The following UBAP2L variants were observed in gnomAD, a reference collection of about 807,000 sequenced individuals.
UBAP2L encodes ubiquitin-associated protein 2-like.
UBAP2L carries 12 observed loss-of-function variants against 130.6 expected under a neutral mutation model. That is an observed-to-expected ratio of 0.09 (90% CI 0.06 to 0.15). The LOEUF (loss-of-function observed/expected upper bound fraction) is 0.15. Ranked by LOEUF, UBAP2L falls within the 10% of genes least tolerant of loss-of-function variation. The pLI is 1.00. For missense variants in UBAP2L, 965 were observed against 1,332.5 expected (o/e 0.72, Z 4.29); for synonymous variants, 503 against 524.7 (o/e 0.96, Z 0.57).
chr1:154,267,313 G>A (rs941455979), intron 25 of UBAP2L, among the ~76,000 whole-genome samples: 19 of 151,446 alleles, frequency 1.3e-4, no homozygotes, highest in African/African-American at 3.2e-4. Context: ...CCACCACCGC[G>A]CCTGCTAATT....
Position 154,235,037 on chromosome 1 carries a change from C to T in UBAP2L, c.449-159C>T, listed in dbSNP as rs961304828. ...TACCATTCCCTGAGAAACATGTTCC[C>T]ATCCTTCCAGCTCATTTTCTCTTCG... is the stretch of plus-strand genomic sequence containing the variant. On this transcript the variant is annotated intron_variant, in intron 5 of 26. Transcript: ENST00000428931. Among the ~76,000 whole-genome samples the T allele has an allele frequency of 2.0e-5, 3 of 152,150 alleles. No homozygotes were observed. In the South Asian group the frequency reaches 6.2e-4, roughly 32 times the overall value.
chr1:154,254,389 G>C (rs548435326), intron 15 of UBAP2L, among the ~76,000 whole-genome samples: 4 of 152,314 alleles, frequency 2.6e-5, no homozygotes, highest in Admixed American at 2.0e-4. Context: ...CTGGGTGCGT[G>C]TCAGTAGACC....
At chr1:154,269,781 A>G (rs1684338746) in intron 26 of UBAP2L, 1 of 223,016 alleles carries the variant, frequency 4.5e-6, no homozygotes, top group Non-Finnish European at 9.1e-6. Flanking sequence ...TGAGAGCTCC[A>G]TTATAGGTGG....
intron 23 of UBAP2L, 125 bp downstream of exon 23, chr1:154,261,234 GT>G: frequency 4.3e-6 from 5 of 1,153,786 alleles, no homozygotes; most frequent in Non-Finnish European, 6.0e-6. Flanking sequence ...CCTCTGGCCT[GT>G]TTTTGGCCTG....
At chr1:154,241,396 A>C in intron 8 of UBAP2L, 117 bp from the exon 9 acceptor site, 1 of 922,854 alleles carries the variant, frequency 1.1e-6, no homozygotes, top group East Asian at 2.6e-5. Flanking sequence ...CCTTCTGATT[A>C]CTAAATTTTA....
intron 11 of UBAP2L, among the ~76,000 whole-genome samples, chr1:154,246,814 T>C (rs148986144): frequency 6.6e-6 from 1 of 152,324 alleles, no homozygotes; most frequent in East Asian, 1.9e-4. Context: ...TCCAGAAACC[T>C]ATGGTCTTCC....
rs1178297652 is a variant in UBAP2L, at chr1:154,237,039, T to A, written c.606T>A (p.Ala202=). The A allele has an allele frequency of 6.2e-7, 1 of 1,614,036 alleles. No individual in the cohort carries two copies. Among genetic ancestry groups the A allele is most frequent in the Non-Finnish European group, 8.5e-7 (1 of 1,180,014 alleles). The change falls in exon 8 of 27, where the codon GCT becomes GCA. Residue 202 remains alanine (A), a synonymous_variant. Transcript: ENST00000428931. The part of the protein sequence containing the change: ...SAQGMGTFNP[A]DYAEPANTDD... ...TTTTTTCCAGAACCTTTAACCCAGC[T>A]GATTATGCAGAGCCAGCCAATACTG...
At chr1:154,228,968 C>T (rs986785645) in intron 4 of UBAP2L, among the ~76,000 whole-genome samples, 9 of 152,120 alleles carry the variant, frequency 5.9e-5, no homozygotes, top group African/African-American at 2.2e-4. Flanking sequence ...GCTAATTGGC[C>T]TGGAATAAAT....
chr1:154,227,410 A>AC (rs751700455), intron 3 of UBAP2L, 51 bp downstream of exon 3: 2 of 1,499,310 alleles, frequency 1.3e-6, no homozygotes, highest in Non-Finnish European at 1.9e-6. Flanking sequence ...TACCAGTATT[A>AC]AGGCATAATC....
At chr1:154,241,809 A>G in intron 9 of UBAP2L, 1 of 982,006 alleles carries the variant, frequency 1.0e-6, no homozygotes, top group South Asian at 4.7e-5. Flanking sequence ...TAAGTCCAAT[A>G]TCTGATTGTC....
chr1:154,221,137 C>T (rs1230708503), intron 1 of UBAP2L, 162 bp downstream of exon 1: 7 of 154,658 alleles, frequency 4.5e-5, no homozygotes, highest in Admixed American at 3.3e-4. Flanking sequence ...TAGGCCCCCC[C>T]ACACCGTGTG....
chr1:154,254,007 T>C lies in UBAP2L; in HGVS notation c.1772T>C (p.Leu591Pro). ...TCCCAAAATAATGCTCAGGGCCCTC[T>C]TTATGAACAGAGATCCACACAGACT... is the stretch of plus-strand genomic sequence containing the variant. ...YTSQNNAQGP[L>P]YEQRSTQTRR... The change falls in exon 15 of 27, where the codon CTT becomes CCT. Residue 591 changes from leucine to proline, a missense_variant. By Grantham distance (98) the Leu-to-Pro change is moderately conservative. Transcript: ENST00000428931. The C allele has an allele frequency of 6.2e-7, 1 of 1,603,800 alleles. No homozygotes were observed. The highest frequency in any genetic ancestry group is 8.5e-7 in the Non-Finnish European group (1 of 1,175,164).
rs869153080 is a variant in UBAP2L, at chr1:154,267,880, C to CTTTTTTTTTTTTTTTTTTTTTTTTTT, written c.2971-876_2971-851dup. ...TCCACATTCCATCCTCTTATTTGGT[C>CTTTTTTTTTTTTTTTTTTTTTTTTTT]TTTTTTTTTTTTTTTTTTTTTTTTT... On this transcript the variant is annotated intron_variant, in intron 25 of 26. Coordinates refer to ENST00000428931, the MANE Select transcript of UBAP2L (RefSeq NM_014847.4). Among the ~76,000 whole-genome samples, 26 of 52,086 alleles carry CTTTTTTTTTTTTTTTTTTTTTTTTTT rather than the reference C, an allele frequency of 5.0e-4. 7 individuals are homozygous for CTTTTTTTTTTTTTTTTTTTTTTTTTT. Among genetic ancestry groups the CTTTTTTTTTTTTTTTTTTTTTTTTTT allele is most frequent in the Non-Finnish European group, 7.6e-4 (21 of 27,630 alleles). The allele number at this position is 52,086 out of a possible 152,430, so 34.2% of individuals were successfully genotyped here.
rs779120535 is a variant in UBAP2L, at chr1:154,266,589, A to G, written c.2970+21A>G. Reference sequence around the variant, plus strand: ...CCCAGGTAGGTGCCTGGCTCTGGATAAAAGTGGAAAAGAGATAGACATAGA... The same window carrying G: ...CCCAGGTAGGTGCCTGGCTCTGGATGAAAGTGGAAAAGAGATAGACATAGA... On this transcript the variant is annotated intron_variant, in intron 25 of 26. Coordinates refer to ENST00000428931, the MANE Select transcript of UBAP2L (RefSeq NM_014847.4). 8 of 1,611,122 alleles carry G rather than the reference A, an allele frequency of 5.0e-6. No homozygotes were observed. In the African/African-American group the frequency reaches 9.4e-5, roughly 19 times the overall value.
At chr1:154,240,209 C>G (rs1296632580) in intron 8 of UBAP2L, among the ~76,000 whole-genome samples, 1 of 152,034 alleles carries the variant, frequency 6.6e-6, no homozygotes, top group Non-Finnish European at 1.5e-5. Flanking sequence ...TGCTCTTGTC[C>G]CTTCTTCAGA....
intron 11 of UBAP2L, among the ~76,000 whole-genome samples, 199 bp downstream of exon 11, chr1:154,246,574 A>G (rs1675558484): frequency 6.6e-6 from 1 of 152,206 alleles, no homozygotes; most frequent in Non-Finnish European, 1.5e-5. Context: ...GACAGACTGA[A>G]TATTCTTATA....
chr1:154,235,994 A>C (rs1179565783), intron 6 of UBAP2L, among the ~76,000 whole-genome samples: 1 of 152,096 alleles, frequency 6.6e-6, no homozygotes, highest in Non-Finnish European at 1.5e-5. Flanking sequence ...AGAAGGGGAG[A>C]GTGAGAAAGA....
At chr1:154,254,797 G>A (rs779097949) in intron 15 of UBAP2L, 39 bp from the exon 16 acceptor site, 4 of 1,582,410 alleles carry the variant, frequency 2.5e-6, no homozygotes, top group Middle Eastern at 1.7e-4. Flanking sequence ...ACATGAGTTT[G>A]TCTGTTTCTT....
At chr1:154,247,951 G>C (rs1180929205) in intron 11 of UBAP2L, among the ~76,000 whole-genome samples, 3 of 151,010 alleles carry the variant, frequency 2.0e-5, no homozygotes, top group African/African-American at 7.3e-5. Flanking sequence ...AATTTTAATT[G>C]TTTTTATTTT....
Sources: gnomAD v4.1 joint callset for allele counts (sites outside exome capture counted in the v4.1 genomes callset) on GRCh38, gnomAD v4.1.1 for gene constraint, MANE v1.5 for transcripts, NCBI Gene and HGNC (gene_info 2026-07-23, HGNC 2026-07-21) for gene names.